BAX: variants seen among roughly 807,000 people sequenced by gnomAD.
The protein encoded by BAX is BCL2 associated X, apoptosis regulator, also known as apoptosis regulator BAX.
In BAX, 21 loss-of-function variants were observed where a neutral mutation model predicts 26.8. The observed-to-expected ratio is 0.78, with a 90% CI of 0.56 to 1.13. The LOEUF is 1.13. Ranked by LOEUF, BAX falls within the 50% of genes most tolerant of loss-of-function variation. The probability of loss-of-function intolerance (pLI) is 0.00; values close to 1 mark genes in which losing one functional copy is unlikely to be tolerated. For synonymous variants in BAX, 110 were observed against 101.8 expected (o/e 1.08, Z -0.49); for missense variants, 236 against 254.6 (o/e 0.93, Z 0.50).
rs34043541 is a variant in BAX, at chr19:48,958,345, ATTTTTTTTT to A, written c.369+2031_369+2039del. Reference sequence around the variant, plus strand: ...AGGGAGGGATATTTCTTTTTGGAAGATTTTTTTTTTTTTTTTTTTTTTTTTTTGATACAG... The same window carrying A: ...AGGGAGGGATATTTCTTTTTGGAAGATTTTTTTTTTTTTTTTTTGATACAG... On this transcript the variant is annotated intron_variant, in intron 4 of 5. Coordinates refer to ENST00000345358, the MANE Select transcript of BAX (RefSeq NM_138761.4). Among the ~76,000 whole-genome samples, 370 of 64,486 alleles carry A rather than the reference ATTTTTTTTT, an allele frequency of 5.7e-3. 2 individuals are homozygous for A. The highest frequency in any genetic ancestry group is 0.02 in the African/African-American group (343 of 17,048). 42.3% of individuals were successfully genotyped at this position (64,486 alleles called of 152,430 possible).
Position 48,956,272 on chromosome 19 carries a change from G to A in BAX, c.308G>A (p.Gly103Asp), listed in dbSNP as rs1319541919. Residue 103 changes from glycine (G) to aspartate (D), a missense_variant, in exon 4 of 6, where the codon GGC becomes GAC. Physicochemically the swap from Gly to Asp is moderately conservative, Grantham distance 94. Transcript: ENST00000345358. ...FRVAADMFSD[G>D]NFNWGRVVAL... Reference sequence around the variant, plus strand: ...GTGGCAGCTGACATGTTTTCTGACGGCAACTTCAACTGGGGCCGGGTTGTC... The same window carrying A: ...GTGGCAGCTGACATGTTTTCTGACGACAACTTCAACTGGGGCCGGGTTGTC... 1.3e-6 allele frequency: 2 copies of A among 1,590,364 alleles called. No individual in the cohort carries two copies. Among genetic ancestry groups the A allele is most frequent in the Non-Finnish European group, 1.7e-6 (2 of 1,169,240 alleles).
chr19:48,961,297 G>C (rs1407303771), intron 5 of BAX: 1 of 1,406,086 alleles, frequency 7.1e-7, no homozygotes, highest in Non-Finnish European at 9.3e-7. Flanking sequence ...ATGTTGCCCA[G>C]GTTGGTCTCG....
chr19:48,960,326 T>C, intron 4 of BAX: 1 of 391,680 alleles, frequency 2.6e-6, no homozygotes, highest in Non-Finnish European at 5.1e-6. Flanking sequence ...CCCAAGGAGC[T>C]GGGATTACAG....
intron 4 of BAX, among the ~76,000 whole-genome samples, chr19:48,957,583 CTT>C (rs1188167244): frequency 6.6e-6 from 1 of 152,068 alleles, no homozygotes; most frequent in South Asian, 2.1e-4. Flanking sequence ...CCTGGAAAGA[CTT>C]TAACTTTACT....
At chr19:48,955,899 C>T in intron 3 of BAX, 66 bp downstream of exon 3, 3 of 1,495,252 alleles carry the variant, frequency 2.0e-6, no homozygotes, top group Non-Finnish European at 2.7e-6. Context: ...ACTCTCAGCC[C>T]CGCATTCTCC....
chr19:48,956,040 G>T, intron 3 of BAX, 158 bp from the exon 4 acceptor site: 2 of 1,176,172 alleles, frequency 1.7e-6, no homozygotes, highest in Non-Finnish European at 2.3e-6. Flanking sequence ...CTAAATGTCT[G>T]TCTTGTCCCC....
Position 48,960,900 on chromosome 19 carries a change from G to C in BAX, c.460G>C (p.Asp154His). Residue 154 changes from aspartate (D) to histidine (H), a missense_variant, in exon 5 of 6, where the codon GAC (aspartate) becomes CAC (histidine). By Grantham distance (81) the Asp-to-His change is moderately conservative (BLOSUM62 -1). Transcript: ENST00000345358. ...GGAGCGGCTGTTGGGCTGGATCCAA[G>C]ACCAGGGTGGTTGGGTGAGACTCCT... Reference protein sequence around the residue: ...LRERLLGWIQDQGGWDGLLSY... With the variant: ...LRERLLGWIQHQGGWDGLLSY... 2 of 1,614,074 alleles carry C rather than the reference G, an allele frequency of 1.2e-6. No individual in the cohort carries two copies. Among genetic ancestry groups the C allele is most frequent in the African/African-American group, 2.7e-5 (2 of 75,006 alleles).
At chr19:48,956,844 T>G (rs1323983225) in intron 4 of BAX, among the ~76,000 whole-genome samples, 1 of 86,248 alleles carries the variant, frequency 1.2e-5, no homozygotes, top group African/African-American at 4.3e-5. Flanking sequence ...TTTTTTTTTT[T>G]GTATTTTTAG....
At chr19:48,958,982 G>A (rs2038242541) in intron 4 of BAX, among the ~76,000 whole-genome samples, 1 of 152,174 alleles carries the variant, frequency 6.6e-6, no homozygotes, top group African/African-American at 2.4e-5. Flanking sequence ...CCAGATAAAG[G>A]CTGCAGGAGA....
chr19:48,957,307 C>G lies in BAX; in HGVS notation c.369+974C>G, dbSNP rs566607143. 3.6e-4 allele frequency among the ~76,000 whole-genome samples: 36 copies of G among 101,062 alleles called. 2 individuals are homozygous for G. In the East Asian group the frequency reaches 0.012, roughly 35 times the overall value. The allele number at this position is 101,062 out of a possible 152,430, so 66.3% of individuals were successfully genotyped here. A position where few individuals can be genotyped will look rare whatever the true frequency, so the allele number is the denominator to read the frequency against. The stretch of plus-strand genomic sequence containing the variant: ...TTTTTTTTTTTGAGACAGAGTCTCA[C>G]TTTGTTGCCCAGGCTGGAGTGCAAT... On this transcript the variant is annotated intron_variant, in intron 4 of 5. Transcript: ENST00000345358.
intron 1 of BAX, 178 bp from the exon 2 acceptor site, chr19:48,955,370 C>G: frequency 3.0e-6 from 2 of 663,342 alleles, no homozygotes; most frequent in South Asian, 4.8e-5. Flanking sequence ...GCCCAGCCTC[C>G]TGGCCTTTCT....
intron 3 of BAX, 139 bp from the exon 4 acceptor site, chr19:48,956,059 T>C: frequency 1.6e-6 from 2 of 1,234,628 alleles, no homozygotes; most frequent in African/African-American, 1.5e-5. Context: ...CCTTCCCTTG[T>C]CCCCCGTTGG....
intron 3 of BAX, 69 bp downstream of exon 3, chr19:48,955,902 C>T: frequency 2.7e-6 from 4 of 1,489,708 alleles, no homozygotes; most frequent in Non-Finnish European, 2.7e-6. Flanking sequence ...CTCAGCCCCG[C>T]ATTCTCCTCC....
intron 5 of BAX, 171 bp downstream of exon 5, chr19:48,961,085 C>T (rs904267924): frequency 1.0e-5 from 16 of 1,593,092 alleles, no homozygotes; most frequent in Non-Finnish European, 1.2e-5. Flanking sequence ...ATGCGTTTTC[C>T]TTACGTGTCT....
chr19:48,961,187 G>T (rs1221265810), intron 5 of BAX: 2 of 1,506,810 alleles, frequency 1.3e-6, no homozygotes, highest in Non-Finnish European at 1.8e-6. Context: ...TGCCCTCCCT[G>T]GAGCCTCCAC....
intron 4 of BAX, among the ~76,000 whole-genome samples, chr19:48,957,123 C>G (rs1315828535): frequency 1.3e-5 from 2 of 150,538 alleles, no homozygotes; most frequent in Non-Finnish European, 3.0e-5. Context: ...GAGGTAGGAC[C>G]AAGCCTCATC....
At chr19:48,956,402 G>T (rs1365563710) in intron 4 of BAX, 69 bp downstream of exon 4, 1 of 1,441,404 alleles carries the variant, frequency 6.9e-7, no homozygotes, top group Non-Finnish European at 9.2e-7. Context: ...GGGGATCGTG[G>T]TATCAACCCC....
At chr19:48,961,090 G>T (rs887035918) in intron 5 of BAX, 176 bp downstream of exon 5, 14 of 1,588,332 alleles carry the variant, frequency 8.8e-6, no homozygotes, top group Non-Finnish European at 1.1e-5. Context: ...TTTTCCTTAC[G>T]TGTCTGATCA....
At position 48,961,755 on chromosome 19, in the gene BAX, G is replaced by A. The variant is rs1353139173; in HGVS notation, c.*119G>A. 5.4e-6 allele frequency: 5 copies of A among 928,620 alleles called. No homozygotes were observed. The highest frequency in any genetic ancestry group is 8.1e-6 in the Non-Finnish European group (5 of 618,170). 57.5% of individuals were successfully genotyped at this position (928,620 alleles called of 1,614,324 possible). ...CTTTTGTAATTATTGGGGGGTGTGG[G>A]GAAGAGTGGTCTTGAGGGGGTAATA... On this transcript the variant is annotated 3_prime_UTR_variant, in exon 6 of 6. Coordinates refer to ENST00000345358, the MANE Select transcript of BAX (RefSeq NM_138761.4).
Sources: gnomAD v4.1 joint callset for allele counts (sites outside exome capture counted in the v4.1 genomes callset) on GRCh38, gnomAD v4.1.1 for gene constraint, MANE v1.5 for transcripts, NCBI Gene and HGNC (gene_info 2026-07-23, HGNC 2026-07-21) for gene names.